Variants in ALX1 observed in about 807,000 individuals in gnomAD.
ALX1 encodes the protein ALX homeobox 1.
A neutral mutation model predicts 31.7 loss-of-function variants in ALX1; 19 were observed. The observed-to-expected ratio is 0.60, with a 90% CI of 0.42 to 0.88. The LOEUF (loss-of-function observed/expected upper bound fraction) is 0.88, where lower values mean the gene tolerates loss of function less well. ALX1 is among the 40% of genes least tolerant of loss of function. ALX1 has a pLI of 0.00. For synonymous variants in ALX1, 153 were observed against 148.8 expected (o/e 1.03, Z -0.20); for missense variants, 415 against 407.8 (o/e 1.02, Z -0.15).
At chr12:85,294,731 G>A (rs768407293) in intron 3 of ALX1, among the ~76,000 whole-genome samples, 2 of 150,456 alleles carry the variant, frequency 1.3e-5, no homozygotes, top group Non-Finnish European at 3.0e-5. Context: ...TTTCTGCTAA[G>A]CAGTTTTCCT....
intron 3 of ALX1, among the ~76,000 whole-genome samples, chr12:85,291,557 C>T (rs1344460160): frequency 1.3e-5 from 2 of 150,700 alleles, no homozygotes; most frequent in South Asian, 2.1e-4. Context: ...TTATAATTAC[C>T]ATTCATTTCT....
At chr12:85,290,585 A>T (rs1172864936) in intron 3 of ALX1, among the ~76,000 whole-genome samples, 1 of 151,308 alleles carries the variant, frequency 6.6e-6, no homozygotes, top group Non-Finnish European at 1.5e-5. Flanking sequence ...TGATGTTCAT[A>T]TTTAAATATT....
At chr12:85,283,533 CA>C in intron 1 of ALX1, 38 bp from the exon 2 acceptor site, 1 of 1,604,342 alleles carries the variant, frequency 6.2e-7, no homozygotes, top group Middle Eastern at 1.7e-4. Context: ...ATGAGTTTCA[CA>C]ATCCTGAGAA....
rs940398627 is a variant in ALX1, at chr12:85,293,807, A to G, written c.660+6826A>G. Among the ~76,000 whole-genome samples, 36 of 151,224 alleles carry G rather than the reference A, an allele frequency of 2.4e-4. 1 individual carries two copies. The highest frequency in any genetic ancestry group is 3.4e-4 in the Non-Finnish European group (23 of 67,380). ...TAAGCCATCAAAGCCCAGGAAGTCT[A>G]TTAGCACAGAACTGTTGTTTAAAAT... On this transcript the variant is annotated intron_variant, in intron 3 of 3. Transcript: ENST00000316824.
intron 3 of ALX1, among the ~76,000 whole-genome samples, chr12:85,298,109 A>G (rs2137393364): frequency 6.6e-6 from 1 of 151,790 alleles, no homozygotes; most frequent in East Asian, 1.9e-4. Context: ...CTATGAACCT[A>G]CACAAAGTAG....
intron 1 of ALX1, among the ~76,000 whole-genome samples, chr12:85,282,127 C>G (rs540978254): frequency 1.3e-5 from 2 of 151,976 alleles, no homozygotes; most frequent in African/African-American, 4.8e-5. Flanking sequence ...TGCTGCAGTT[C>G]CCCCTTTAAT....
At chr12:85,286,341 A>T (rs1433491519) in intron 2 of ALX1, among the ~76,000 whole-genome samples, 1 of 151,922 alleles carries the variant, frequency 6.6e-6, no homozygotes, top group African/African-American at 2.4e-5. Flanking sequence ...TATGTTTAAA[A>T]TTTTAAAAGA....
intron 2 of ALX1, among the ~76,000 whole-genome samples, chr12:85,286,598 C>T (rs1325350510): frequency 6.6e-6 from 1 of 151,830 alleles, no homozygotes; most frequent in Non-Finnish European, 1.5e-5. Context: ...AAAACAGAGG[C>T]TCAGACGTAT....
Position 85,301,246 on chromosome 12 carries a change from C to CTTA in ALX1, c.755_757dup (p.Tyr252dup). The CTTA allele has an allele frequency of 6.2e-7, 1 of 1,614,018 alleles. No individual in the cohort carries two copies. The highest frequency in any genetic ancestry group is 8.5e-7 in the Non-Finnish European group (1 of 1,179,974). ...CGTGACACTTCCTCCTGTATGACAC[C>CTTA]TTATTCTCACTCGCCTCGGACAGAT... On this transcript the variant is annotated inframe_insertion, in exon 4 of 4. Transcript: ENST00000316824.
chr12:85,283,603 G>T lies in ALX1; in HGVS notation c.258G>T (p.Gln86His). ...ATGGGATCACTAAAGTAGAAGGACA[G>T]CCCCTTCACACCGAACTGAATAGAG... is the stretch of plus-strand genomic sequence containing the variant. ...VNYGITKVEG[Q>H]PLHTELNRAM... is the part of the protein sequence containing the mutation. The change falls in exon 2 of 4, where the codon CAG (glutamine) becomes CAT (histidine). Residue 86 changes from glutamine to histidine, a missense_variant. Physicochemically the swap from Gln to His is conservative, Grantham distance 24. This residue lies in a region of ALX1 where 235 missense variants were observed against 208.9 expected (regional missense o/e 1.13). Coordinates refer to ENST00000316824, the MANE Select transcript of ALX1 (RefSeq NM_006982.3). The T allele has an allele frequency of 1.2e-6, 2 of 1,614,120 alleles. No individual in the cohort carries two copies. The highest frequency in any genetic ancestry group is 1.7e-6 in the Non-Finnish European group (2 of 1,180,000).
At chr12:85,295,252 G>A (rs1896871874) in intron 3 of ALX1, among the ~76,000 whole-genome samples, 2 of 151,252 alleles carry the variant, frequency 1.3e-5, no homozygotes, top group Admixed American at 1.3e-4. Flanking sequence ...ACTTACTGAT[G>A]TAGTAAATAG....
At chr12:85,300,741 A>AT (rs1896953526) in intron 3 of ALX1, among the ~76,000 whole-genome samples, 2 of 152,052 alleles carry the variant, frequency 1.3e-5, no homozygotes, top group South Asian at 2.1e-4. Context: ...CCCAGTTAGA[A>AT]TTTTTTTTAA....
rs1262848764 is a variant in ALX1, at chr12:85,301,351, T to G, written c.857T>G (p.Leu286Arg). ...PLNNFFTDSL[L>R]TGATNGHAFE... is the part of the protein sequence containing the mutation. ...AACAATTTTTTCACTGACTCTCTTC[T>G]TACTGGGGCAACCAATGGACATGCA... Residue 286 changes from leucine (L) to arginine (R), a missense_variant, in exon 4 of 4, where the codon CTT becomes CGT. Around this residue, in one of 3 missense-constraint regions of ALX1, gnomAD observed 174 missense variants for 177.5 expected, o/e 0.98. Coordinates refer to ENST00000316824, the MANE Select transcript of ALX1 (RefSeq NM_006982.3). 2 of 1,613,962 alleles carry G rather than the reference T, an allele frequency of 1.2e-6. No individual in the cohort carries two copies. The highest frequency in any genetic ancestry group is 1.6e-4 in the Middle Eastern group (1 of 6,084).
Position 85,301,593 on chromosome 12 carries a change from G to A in ALX1, c.*118G>A, listed in dbSNP as rs937895813. The A allele has an allele frequency of 8.0e-5, 83 of 1,035,602 alleles. 1 individual carries two copies. The highest frequency in any genetic ancestry group is 1.1e-4 in the Non-Finnish European group (73 of 691,596). The allele number at this position is 1,035,602 out of a possible 1,614,324, so 64.2% of individuals were successfully genotyped here. On this transcript the variant is annotated 3_prime_UTR_variant, in exon 4 of 4. Coordinates refer to ENST00000316824, the MANE Select transcript of ALX1 (RefSeq NM_006982.3). ...GAATTGCTAAAGGTCAAGATATTCA[G>A]TGAGACCAGCTTAAATGAATAGTTG...
chr12:85,298,468 C>T (rs768736979), intron 3 of ALX1, among the ~76,000 whole-genome samples: 11 of 151,526 alleles, frequency 7.3e-5, no homozygotes, highest in Non-Finnish European at 1.2e-4. Context: ...CACAATATAC[C>T]GAGGATATTA....
At chr12:85,296,093 A>G (rs1234325561) in intron 3 of ALX1, among the ~76,000 whole-genome samples, 1 of 151,568 alleles carries the variant, frequency 6.6e-6, no homozygotes, top group African/African-American at 2.4e-5. Flanking sequence ...AGAAAAATAT[A>G]TTAAAAAGTA....
At chr12:85,288,832 G>A (rs1197458650) in intron 3 of ALX1, among the ~76,000 whole-genome samples, 2 of 151,316 alleles carry the variant, frequency 1.3e-5, no homozygotes, top group Non-Finnish European at 3.0e-5. Context: ...TGATACCAAA[G>A]GAGCATAAAG....
chr12:85,280,631 C>G (rs1896657393), intron 1 of ALX1, 144 bp downstream of exon 1: 2 of 927,582 alleles, frequency 2.2e-6, no homozygotes, highest in Non-Finnish European at 1.7e-6. Flanking sequence ...GGAAGGTGCT[C>G]GCTTTATGAA....
chr12:85,292,313 T>G (rs1020167749), intron 3 of ALX1, among the ~76,000 whole-genome samples: 3 of 151,146 alleles, frequency 2.0e-5, no homozygotes, highest in African/African-American at 7.3e-5. Context: ...TATATTCAAT[T>G]CACCAGAATT....
Sources: gnomAD v4.1 joint callset for allele counts (sites outside exome capture counted in the v4.1 genomes callset) on GRCh38, gnomAD v4.1.1 for gene constraint, gnomAD v4.1.1 regional missense constraint, MANE v1.5 for transcripts, NCBI Gene and HGNC (gene_info 2026-07-23, HGNC 2026-07-21) for gene names.